The following OGFOD1 variants were observed in gnomAD, a reference collection of about 807,000 sequenced individuals.
OGFOD1 encodes the protein 2-oxoglutarate and iron dependent oxygenase domain containing 1.
OGFOD1 carries 54 observed loss-of-function variants against 67.7 expected under a neutral mutation model. The observed-to-expected ratio is 0.80, with a 90% CI of 0.64 to 1.00. The LOEUF (loss-of-function observed/expected upper bound fraction) is 1.00, where lower values mean the gene tolerates loss of function less well. OGFOD1 is among the 50% of genes least tolerant of loss of function. The probability of loss-of-function intolerance (pLI) is 0.00; values close to 1 mark genes in which losing one functional copy is unlikely to be tolerated. For missense variants in OGFOD1, 606 were observed against 646.7 expected (o/e 0.94, Z 0.68); for synonymous variants, 221 against 227.0 (o/e 0.97, Z 0.24).
At chr16:56,465,993 A>T (rs1049456898) in intron 4 of OGFOD1, 159 bp from the exon 5 acceptor site, 30 of 567,400 alleles carry the variant, frequency 5.3e-5, no homozygotes, top group African/African-American at 5.1e-4. Flanking sequence ...TTGTTTACTT[A>T]TAAAAGAGGA....
chr16:56,461,250 G>C (rs1458004226), intron 3 of OGFOD1, among the ~76,000 whole-genome samples: 1 of 152,154 alleles, frequency 6.6e-6, no homozygotes, highest in African/African-American at 2.4e-5. Flanking sequence ...ATCACTAATA[G>C]CCAATCACTT....
At chr16:56,461,404 C>G (rs1962706292) in intron 3 of OGFOD1, among the ~76,000 whole-genome samples, 1 of 152,178 alleles carries the variant, frequency 6.6e-6, no homozygotes, top group Admixed American at 6.5e-5. Context: ...TTCCCCATAC[C>G]TCACCCTATA....
chr16:56,454,621 C>A (rs1333058962), intron 2 of OGFOD1, among the ~76,000 whole-genome samples: 2 of 149,394 alleles, frequency 1.3e-5, no homozygotes, highest in Non-Finnish European at 3.0e-5. Context: ...CTTTGTAAAC[C>A]TCAGGGACAT....
intron 3 of OGFOD1, among the ~76,000 whole-genome samples, chr16:56,459,157 A>G (rs1225650983): frequency 6.6e-6 from 1 of 152,160 alleles, no homozygotes; most frequent in Non-Finnish European, 1.5e-5. Flanking sequence ...CCTGACCAAC[A>G]TGGAGAAACC....
intron 2 of OGFOD1, among the ~76,000 whole-genome samples, chr16:56,454,095 C>T (rs1255971205): frequency 8.5e-5 from 13 of 152,262 alleles, no homozygotes; most frequent in African/African-American, 2.9e-4. Flanking sequence ...TGCCTGTAAT[C>T]GCAGAACTTT....
chr16:56,471,285 C>T (rs964395231), intron 10 of OGFOD1, among the ~76,000 whole-genome samples: 5 of 150,910 alleles, frequency 3.3e-5, no homozygotes, highest in Non-Finnish European at 7.4e-5. Flanking sequence ...TCACTTGAAC[C>T]GGGGAGGAGG....
chr16:56,459,306 A>C (rs896495761), intron 3 of OGFOD1, among the ~76,000 whole-genome samples: 2 of 150,986 alleles, frequency 1.3e-5, no homozygotes, highest in Non-Finnish European at 2.9e-5. Context: ...AGCCCGTTGC[A>C]CTCCAGCCTG....
chr16:56,451,727 G>A lies in OGFOD1; in HGVS notation c.115G>A (p.Val39Met). 6.2e-7 allele frequency: 1 copy of A among 1,613,684 alleles called. No homozygotes were observed. Among genetic ancestry groups the A allele is most frequent in the Non-Finnish European group, 8.5e-7 (1 of 1,179,942 alleles). Reference protein sequence around the residue: ...AVTEETLKKQVAEAWSRRTPF... With the variant: ...AVTEETLKKQMAEAWSRRTPF... ...TACGGAAGAAACCTTGAAAAAGCAG[G>A]TGGCTGAGGCCTGGAGCCGCAGGAC... Residue 39 changes from valine (V) to methionine (M), a missense_variant, in exon 1 of 13, where the codon GTG becomes ATG. Transcript: ENST00000566157.
Position 56,477,440 on chromosome 16 carries a change from A to G in OGFOD1, c.*1235A>G, listed in dbSNP as rs1196555434. 2 of 152,250 alleles carry G rather than the reference A, an allele frequency of 1.3e-5. No individual in the cohort carries two copies. The highest frequency in any genetic ancestry group is 4.8e-5 in the African/African-American group (2 of 41,454). The allele number at this position is 152,250 out of a possible 1,614,324, so 9.4% of individuals were successfully genotyped here. A position where few individuals can be genotyped will look rare whatever the true frequency, so the allele number is the denominator to read the frequency against. On this transcript the variant is annotated 3_prime_UTR_variant, in exon 13 of 13. Coordinates refer to ENST00000566157, the MANE Select transcript of OGFOD1 (RefSeq NM_018233.4). The stretch of plus-strand genomic sequence containing the variant: ...CATGTGTAGTCACTTCCAAGTGCCC[A>G]CTGCCTTTCCATCCTGCAATTGTGG...
intron 4 of OGFOD1, 116 bp downstream of exon 4, chr16:56,462,750 G>C (rs376263127): frequency 3.1e-6 from 2 of 641,506 alleles, no homozygotes; most frequent in African/African-American, 3.7e-5. Flanking sequence ...AAAGCATCCG[G>C]ATCTTCCTGA....
intron 8 of OGFOD1, among the ~76,000 whole-genome samples, 163 bp downstream of exon 8, chr16:56,468,181 A>ATC (rs1685338554): frequency 6.6e-6 from 1 of 152,188 alleles, no homozygotes; most frequent in Admixed American, 6.5e-5. Context: ...TAACACTAAC[A>ATC]TTAGTATCAG....
chr16:56,465,951 CTTTATT>C (rs1962881365), intron 4 of OGFOD1, 195 bp from the exon 5 acceptor site: 1 of 492,196 alleles, frequency 2.0e-6, no homozygotes, highest in Non-Finnish European at 3.6e-6. Context: ...ATTATGTGCT[CTTTATT>C]TTTAGAGTTT....
At chr16:56,473,212 G>C (rs1472713742) in intron 10 of OGFOD1, among the ~76,000 whole-genome samples, 2 of 152,078 alleles carry the variant, frequency 1.3e-5, no homozygotes, top group Admixed American at 6.5e-5. Flanking sequence ...TTACAGGAGT[G>C]AGCCACCACG....
In OGFOD1 at chr16:56,451,842, C is replaced by T. The variant is rs533280300; in HGVS notation, c.154+76C>T. On this transcript the variant is annotated intron_variant, in intron 1 of 12. Coordinates refer to ENST00000566157, the MANE Select transcript of OGFOD1 (RefSeq NM_018233.4). Reference sequence around the variant, plus strand: ...CTGAAAAAGCCCTGGGACTCGCGCCCAGCCTTGGGCAGCGGGGCCGCAAGG... The same window carrying T: ...CTGAAAAAGCCCTGGGACTCGCGCCTAGCCTTGGGCAGCGGGGCCGCAAGG... The T allele has an allele frequency of 4.0e-6, 6 of 1,507,984 alleles. No homozygotes were observed. In the African/African-American group the frequency reaches 5.6e-5, roughly 14 times the overall value. The allele number at this position is 1,507,984 out of a possible 1,614,324, so 93.4% of individuals were successfully genotyped here. A position where few individuals can be genotyped will look rare whatever the true frequency, so the allele number is the denominator to read the frequency against.
Position 56,476,340 on chromosome 16 carries a change from A to G in OGFOD1, c.*135A>G. 1 of 709,968 alleles carries G rather than the reference A, an allele frequency of 1.4e-6. No homozygotes were observed. The highest frequency in any genetic ancestry group is 2.2e-6 in the Non-Finnish European group (1 of 444,490). 44.0% of individuals were successfully genotyped at this position (709,968 alleles called of 1,614,324 possible). ...TTCTTAAAACTGGTTGTCTTTTACT[A>G]GGACTCATAATGATTGTCCTCAACC... On this transcript the variant is annotated 3_prime_UTR_variant, in exon 13 of 13. Transcript: ENST00000566157.
chr16:56,475,975 A>G lies in OGFOD1; in HGVS notation c.1468-69A>G, dbSNP rs531843311. On this transcript the variant is annotated intron_variant, in intron 12 of 12. Coordinates refer to ENST00000566157, the MANE Select transcript of OGFOD1 (RefSeq NM_018233.4). Reference sequence around the variant, plus strand: ...GCTTGATATGGAAACCATCTGTTCCATGGTTAATCATCCAAGATTTGAGAA... The same window carrying G: ...GCTTGATATGGAAACCATCTGTTCCGTGGTTAATCATCCAAGATTTGAGAA... 97 of 1,391,616 alleles carry G rather than the reference A, an allele frequency of 7.0e-5. 2 individuals carry two copies. In the East Asian group the frequency reaches 8.4e-4, roughly 12 times the overall value. 86.2% of individuals were successfully genotyped at this position (1,391,616 alleles called of 1,614,324 possible).
intron 1 of OGFOD1, 150 bp from the exon 2 acceptor site, chr16:56,453,113 A>G: frequency 1.4e-6 from 1 of 721,554 alleles, no homozygotes; most frequent in Non-Finnish European, 2.3e-6. Flanking sequence ...GAAAGGTCAG[A>G]GCTTATCATT....
At chr16:56,463,121 A>G (rs1416759524) in intron 4 of OGFOD1, among the ~76,000 whole-genome samples, 1 of 152,110 alleles carries the variant, frequency 6.6e-6, no homozygotes, top group African/African-American at 2.4e-5. Context: ...AGAGGTACCT[A>G]TTGTCACCAG....
At position 56,470,740 on chromosome 16, in the gene OGFOD1, C is replaced by A; in HGVS notation, c.1234C>A (p.Gln412Lys). 6.2e-7 allele frequency: 1 copy of A among 1,613,558 alleles called. No individual in the cohort carries two copies. The highest frequency in any genetic ancestry group is 1.1e-5 in the South Asian group (1 of 90,992). Residue 412 changes from glutamine to lysine, a missense_variant, in exon 10 of 13, where the codon CAG (glutamine) becomes AAG (lysine). Coordinates refer to ENST00000566157, the MANE Select transcript of OGFOD1 (RefSeq NM_018233.4). ...GATGGCCATCAGCAACAACAGCCAACAGAGCAATGAGCAGACAGACCCAGA... is the reference window on the plus strand; with the variant it reads ...GATGGCCATCAGCAACAACAGCCAAAAGAGCAATGAGCAGACAGACCCAGA... The part of the protein sequence containing the change: ...NQMAISNNSQ[Q>K]SNEQTDPEPE...
Sources: allele counts gnomAD v4.1 joint callset (sites outside exome capture counted in the v4.1 genomes callset), GRCh38; gene constraint gnomAD v4.1.1; transcripts MANE v1.5; gene names NCBI Gene and HGNC (gene_info 2026-07-23, HGNC 2026-07-21).